The following GTPBP3 variants were observed in gnomAD, a reference collection of about 807,000 sequenced individuals.
GTPBP3 encodes the protein GTP binding protein 3, mitochondrial.
A neutral mutation model predicts 42.0 loss-of-function variants in GTPBP3; 35 were observed. The observed-to-expected ratio is 0.83, with a 90% CI of 0.64 to 1.10. The LOEUF (loss-of-function observed/expected upper bound fraction) is 1.10, where lower values mean the gene tolerates loss of function less well. GTPBP3 is among the 50% of genes least tolerant of loss of function. GTPBP3 has a pLI of 0.00. For synonymous variants in GTPBP3, 332 were observed against 314.9 expected, an observed-to-expected ratio of 1.05 and a Z score of -0.58; for missense variants, 691 against 685.2, an observed-to-expected ratio of 1.01 and a Z score of -0.09.
In GTPBP3 at chr19:17,339,589, G is replaced by A; in HGVS notation, c.964G>A (p.Ala322Thr). 1 of 1,605,352 alleles carries A rather than the reference G, an allele frequency of 6.2e-7. No homozygotes were observed. The highest frequency in any genetic ancestry group is 1.1e-5 in the South Asian group (1 of 90,716). Reference sequence around the variant, plus strand: ...CGTGGAGCAGGAGGGCGTGCGGCGCGCCCGGGAGAGGTGGGCGGACAGGGT... The same window carrying A: ...CGTGGAGCAGGAGGGCGTGCGGCGCACCCGGGAGAGGTGGGCGGACAGGGT... ...GPVEQEGVRR[A>T]RERLEQADLI... The change falls in exon 7 of 9, where the codon GCC becomes ACC. Residue 322 changes from alanine to threonine, a missense_variant. Ala to Thr is a moderately conservative substitution (Grantham distance 58). Coordinates refer to ENST00000324894, the MANE Select transcript of GTPBP3 (RefSeq NM_032620.4).
At chr19:17,339,912 A>ATTTTT (rs35014753) in intron 7 of GTPBP3, among the ~76,000 whole-genome samples, 2 of 139,802 alleles carry the variant, frequency 1.4e-5, no homozygotes, top group Non-Finnish European at 1.6e-5. Context: ...ACGCCGAACT[A>ATTTTT]TTTTTTTTTT....
intron 7 of GTPBP3, 31 bp from the exon 8 acceptor site, chr19:17,341,013 G>T: frequency 6.3e-7 from 1 of 1,598,212 alleles, no homozygotes. Flanking sequence ...CTCAACCTGG[G>T]ATCCCCGCTC....
intron 7 of GTPBP3, chr19:17,340,802 A>T: frequency 3.0e-6 from 1 of 329,086 alleles, no homozygotes; most frequent in Admixed American, 6.7e-5. Flanking sequence ...CCGCACCGTG[A>T]CCGCTCCTCT....
upstream of GTPBP3, among the ~76,000 whole-genome samples, chr19:17,336,433 G>T (rs1050416034): frequency 5.9e-5 from 9 of 151,380 alleles, no homozygotes; most frequent in Non-Finnish European, 1.3e-4. Context: ...GAGCCCAAAA[G>T]TTGGAGGTTG....
intron 3 of GTPBP3, 26 bp downstream of exon 3, chr19:17,338,477 C>T (rs1344977816): frequency 1.2e-6 from 2 of 1,613,468 alleles, no homozygotes; most frequent in East Asian, 4.5e-5. Context: ...GGGTGAGATG[C>T]TTGGTCCTCC....
upstream of GTPBP3, chr19:17,336,776 G>C (rs2145697837): frequency 6.6e-6 from 1 of 152,328 alleles, no homozygotes; most frequent in Non-Finnish European, 1.5e-5. Flanking sequence ...TCCCCTTTCT[G>C]GCTTTCGGGG....
intron 7 of GTPBP3, among the ~76,000 whole-genome samples, chr19:17,339,989 C>G (rs2074413401): frequency 6.6e-6 from 1 of 150,730 alleles, no homozygotes. Flanking sequence ...ACTCCTGAGC[C>G]TCGGCCTCCC....
In GTPBP3 at chr19:17,337,999, C is replaced by G. The variant is rs778333837; in HGVS notation, c.54-9C>G. ...CAGGTGCGCTGATTCGCCTCCCCTCCGGTTCCAGATTGTGCACGCGCCGGA... is the reference window on the plus strand; with the variant it reads ...CAGGTGCGCTGATTCGCCTCCCCTCGGGTTCCAGATTGTGCACGCGCCGGA... On this transcript the variant is annotated splice_polypyrimidine_tract_variant and intron_variant, in intron 1 of 8. Transcript: ENST00000324894. 3 of 1,596,388 alleles carry G rather than the reference C, an allele frequency of 1.9e-6. No individual in the cohort carries two copies. The highest frequency in any genetic ancestry group is 3.3e-5 in the Admixed American group (2 of 59,794).
intron 7 of GTPBP3, 139 bp downstream of exon 7, chr19:17,339,738 C>CTT (rs34014252): frequency 1.1e-4 from 54 of 489,978 alleles, no homozygotes; most frequent in Middle Eastern, 5.5e-4. Flanking sequence ...GGATTTGGTT[C>CTT]TTTTTTTTTT....
upstream of GTPBP3, among the ~76,000 whole-genome samples, chr19:17,336,042 C>T (rs533736707): frequency 9.9e-5 from 15 of 152,186 alleles, no homozygotes; most frequent in African/African-American, 3.6e-4. Flanking sequence ...CGAGACCAGC[C>T]TGACCAACAT....
upstream of GTPBP3, among the ~76,000 whole-genome samples, chr19:17,335,353 A>C (rs2074357891): frequency 6.6e-6 from 1 of 152,212 alleles, no homozygotes; most frequent in African/African-American, 2.4e-5. Context: ...AGAGTTGTCA[A>C]GTTTAGCAAA....
rs1479914697 is a variant in GTPBP3 at position 17,337,596 on chromosome 19, CGCAGGTT to C, written c.-14_-8del. 7.6e-7 allele frequency: 1 copy of C among 1,315,038 alleles called. No individual in the cohort carries two copies. The highest frequency in any genetic ancestry group is 1.5e-5 in the African/African-American group (1 of 64,770). 81.5% of individuals were successfully genotyped at this position (1,315,038 alleles called of 1,614,324 possible). A position where few individuals can be genotyped will look rare whatever the true frequency, so the allele number is the denominator to read the frequency against. On this transcript the variant is annotated 5_prime_UTR_variant, in exon 1 of 9. Transcript: ENST00000324894. ...ACACAGGCAGGTCGGGCAGGCGGGT[CGCAGGTT>C]GTAAATCCATGTGGCGGGGGCTTTG...
chr19:17,341,322 T>C lies in GTPBP3; in HGVS notation c.1253T>C (p.Val418Ala). ...LEALRKELAA[V>A]CGDPSTDPPL... ...GCGCTGAGGAAGGAGCTAGCTGCAG[T>C]GTGAGCCCCCTCCCACTCCCAGCCT... The change falls in exon 8 of 9, where the codon GTG becomes GCG. Residue 418 changes from valine (V) to alanine (A), a missense_variant and splice_region_variant. By Grantham distance (64) the Val-to-Ala change is moderately conservative. Transcript: ENST00000324894. 2 of 1,590,956 alleles carry C rather than the reference T, an allele frequency of 1.3e-6. No individual in the cohort carries two copies. The highest frequency in any genetic ancestry group is 1.8e-4 in the Middle Eastern group (1 of 5,432).
At chr19:17,336,310 AAAAC>A (rs1189926939), upstream of GTPBP3, among the ~76,000 whole-genome samples, 11 of 151,080 alleles carry the variant, frequency 7.3e-5, no homozygotes, top group African/African-American at 2.4e-4. Flanking sequence ...AAACGAAAAC[AAAAC>A]AAACAAACAA....
chr19:17,341,309 G>A lies in GTPBP3; in HGVS notation c.1240G>A (p.Glu414Lys). The A allele has an allele frequency of 1.5e-5, 24 of 1,601,262 alleles. No homozygotes were observed. Among genetic ancestry groups the A allele is most frequent in the Non-Finnish European group, 2.0e-5 (24 of 1,177,152 alleles). Residue 414 changes from glutamate to lysine, a missense_variant, in exon 8 of 9, where the codon GAG (glutamate) becomes AAG (lysine). By Grantham distance (56) the Glu-to-Lys change is moderately conservative. Transcript: ENST00000324894. Reference sequence around the variant, plus strand: ...CGGCCTCCTGGAGGCGCTGAGGAAGGAGCTAGCTGCAGTGTGAGCCCCCTC... The same window carrying A: ...CGGCCTCCTGGAGGCGCTGAGGAAGAAGCTAGCTGCAGTGTGAGCCCCCTC... ...LDGLLEALRK[E>K]LAAVCGDPST...
In GTPBP3 at chr19:17,341,307, A is replaced by G; in HGVS notation, c.1238A>G (p.Lys413Arg). 1.9e-6 allele frequency: 3 copies of G among 1,603,102 alleles called. No homozygotes were observed. Among genetic ancestry groups the G allele is most frequent in the Non-Finnish European group, 2.5e-6 (3 of 1,178,520 alleles). ...GACGGCCTCCTGGAGGCGCTGAGGA[A>G]GGAGCTAGCTGCAGTGTGAGCCCCC... is the stretch of plus-strand genomic sequence containing the variant. ...GLDGLLEALR[K>R]ELAAVCGDPS... is the part of the protein sequence containing the mutation. The change falls in exon 8 of 9, where the codon AAG (lysine) becomes AGG (arginine). Residue 413 changes from lysine to arginine, a missense_variant. Coordinates refer to ENST00000324894, the MANE Select transcript of GTPBP3 (RefSeq NM_032620.4).
rs764647980 is a variant in GTPBP3 at position 17,338,412 on chromosome 19, G to A, written c.349G>A (p.Gly117Arg). ...GGACTGCGTGGAGTTCCACGTGCAT[G>A]GAGGCCCGGCAGTGGTGAGCGGCGT... The part of the protein sequence containing the change: ...GEDCVEFHVH[G>R]GPAVVSGVLQ... Residue 117 changes from glycine to arginine, a missense_variant, in exon 3 of 9, where the codon GGA (glycine) becomes AGA (arginine). Coordinates refer to ENST00000324894, the MANE Select transcript of GTPBP3 (RefSeq NM_032620.4). The A allele has an allele frequency of 1.2e-6, 2 of 1,614,174 alleles. No homozygotes were observed. Among genetic ancestry groups the A allele is most frequent in the South Asian group, 1.1e-5 (1 of 91,092 alleles).
chr19:17,337,461 AGACGGTGGGCAG>A (rs1445969493), upstream of GTPBP3: 56 of 1,242,974 alleles, frequency 4.5e-5, no homozygotes, highest in Non-Finnish European at 5.6e-5. Context: ...GAGTATCTTC[AGACGGTGGGCAG>A]GACGTATCCT....
rs956975931 is a variant in GTPBP3, at chr19:17,338,612, C to T, written c.462C>T (p.Asn154=). 3 of 1,613,948 alleles carry T rather than the reference C, an allele frequency of 1.9e-6. No individual in the cohort carries two copies. In the African/African-American group the frequency reaches 4.0e-5, roughly 22 times the overall value. Residue 154 remains asparagine (N), a synonymous_variant, in exon 4 of 9, where the codon AAC becomes AAT. Transcript: ENST00000324894. ...TRRAFANGKL[N]LTEVEGLADL... is the part of the protein sequence containing the mutation. ...GGGCGTTCGCCAATGGGAAGCTGAA[C>T]CTGACCGAAGTGGAGGGGCTGGCGG...
Sources: allele counts gnomAD v4.1 joint callset (sites outside exome capture counted in the v4.1 genomes callset), GRCh38; gene constraint gnomAD v4.1.1; transcripts MANE v1.5; gene names NCBI Gene and HGNC (gene_info 2026-07-23, HGNC 2026-07-21).